The following RINT1 variants were observed in gnomAD, a reference collection of about 807,000 sequenced individuals.
RINT1 encodes the protein RAD50 interactor 1.
In RINT1, 75 loss-of-function variants were observed where a neutral mutation model predicts 97.7. That is an observed-to-expected ratio of 0.77 (90% CI 0.64 to 0.93). The LOEUF is 0.93. Ranked by LOEUF, RINT1 falls within the 40% of genes least tolerant of loss-of-function variation. The pLI, the probability that RINT1 is intolerant of heterozygous loss-of-function variation, is 0.00. For synonymous variants in RINT1, 303 were observed against 326.3 expected (o/e 0.93, Z 0.77); for missense variants, 892 against 925.2 (o/e 0.96, Z 0.47).
chr7:105,539,574 G>C (rs965348089), intron 3 of RINT1, among the ~76,000 whole-genome samples: 1 of 151,948 alleles, frequency 6.6e-6, no homozygotes, highest in Non-Finnish European at 1.5e-5. Flanking sequence ...TGGTCAGGTT[G>C]GTCTCAAACT....
At chr7:105,563,649 T>C in intron 11 of RINT1, 84 bp from the exon 12 acceptor site, 1 of 1,161,298 alleles carries the variant, frequency 8.6e-7, no homozygotes, top group Non-Finnish European at 1.3e-6. Context: ...ACACTTTAAA[T>C]GGGTGAATTG....
rs571877776 is a variant in RINT1 at position 105,567,467 on chromosome 7, C to T, written c.*156C>T. 1.4e-6 allele frequency: 1 copy of T among 715,856 alleles called. No individual in the cohort carries two copies. Among genetic ancestry groups the T allele is most frequent in the East Asian group, 2.7e-5 (1 of 37,300 alleles). The allele number at this position is 715,856 out of a possible 1,614,324, so 44.3% of individuals were successfully genotyped here. A position where few individuals can be genotyped will look rare whatever the true frequency, so the allele number is the denominator to read the frequency against. On this transcript the variant is annotated 3_prime_UTR_variant, in exon 15 of 15. Transcript: ENST00000257700. ...TTTATGGTGTTATTAAAATGCTGAC[C>T]ATATTTCCTTCATCCTCTTGTTCCT...
In RINT1 at chr7:105,567,484, C is replaced by G. The variant is rs1344746705; in HGVS notation, c.*173C>G. The G allele has an allele frequency of 4.2e-5, 30 of 706,036 alleles. No individual in the cohort carries two copies. The highest frequency in any genetic ancestry group is 6.9e-5 in the Non-Finnish European group (27 of 392,398). The allele number at this position is 706,036 out of a possible 1,614,324, so 43.7% of individuals were successfully genotyped here. On this transcript the variant is annotated 3_prime_UTR_variant, in exon 15 of 15. Transcript: ENST00000257700. ...ATGCTGACCATATTTCCTTCATCCTCTTGTTCCTAAGGAAACAAAAACAGA... is the reference window on the plus strand; with the variant it reads ...ATGCTGACCATATTTCCTTCATCCTGTTGTTCCTAAGGAAACAAAAACAGA...
rs1373493567 is a variant in RINT1 at position 105,551,709 on chromosome 7, T to A, written c.1471+2T>A. ...TGACTCTACTCTTGGTTATAACTGG[T>A]AAGTATGTCTTTTAAGATATGACTT... On this transcript the variant is annotated splice_donor_variant, in intron 10 of 14. Transcript: ENST00000257700. LOFTEE classifies it high-confidence loss of function. 10 of 1,588,126 alleles carry A rather than the reference T, an allele frequency of 6.3e-6. No homozygotes were observed. The highest frequency in any genetic ancestry group is 8.5e-6 in the Non-Finnish European group (10 of 1,169,678).
chr7:105,564,422 G>A (rs1003945029), intron 12 of RINT1, among the ~76,000 whole-genome samples: 1 of 152,100 alleles, frequency 6.6e-6, no homozygotes, highest in African/African-American at 2.4e-5. Flanking sequence ...TTATAATTTA[G>A]TTGTTTGTAA....
At position 105,547,232 on chromosome 7, in the gene RINT1, C is replaced by T. The variant is rs555764782; in HGVS notation, c.738C>T (p.Pro246=). The change falls in exon 6 of 15, where the codon CCC becomes CCT. Residue 246 remains proline (P), a synonymous_variant. Transcript: ENST00000257700. ...LAQLHWPFIA[P]PQSQTVGLSR... Reference sequence around the variant, plus strand: ...AGCTTCATTGGCCATTCATCGCACCCCCTCAATCACAAACTGTTGGCTTAA... The same window carrying T: ...AGCTTCATTGGCCATTCATCGCACCTCCTCAATCACAAACTGTTGGCTTAA... 3 of 1,614,138 alleles carry T rather than the reference C, an allele frequency of 1.9e-6. No individual in the cohort carries two copies. Among genetic ancestry groups the T allele is most frequent in the African/African-American group, 2.7e-5 (2 of 75,016 alleles).
At chr7:105,554,993 A>G in intron 10 of RINT1, 35 bp from the exon 11 acceptor site, 1 of 1,569,300 alleles carries the variant, frequency 6.4e-7, no homozygotes, top group South Asian at 1.1e-5. Flanking sequence ...AGATGGTACC[A>G]AAACCTTCAT....
rs1434680233 is a variant in RINT1 at position 105,547,001 on chromosome 7, G to GA, written c.609dup (p.Ser204IlefsTer15). ...GGCAGAACTTGACATTAAACTTCAG[G>GA]AATCATCTTGTACTCATCTTCTTGG... On this transcript the variant is annotated frameshift_variant, in exon 5 of 15. Coordinates refer to ENST00000257700, the MANE Select transcript of RINT1 (RefSeq NM_021930.6). LOFTEE classifies it high-confidence loss of function. 6.2e-7 allele frequency: 1 copy of GA among 1,613,770 alleles called. No homozygotes were observed. The highest frequency in any genetic ancestry group is 8.5e-7 in the Non-Finnish European group (1 of 1,179,842).
intron 4 of RINT1, among the ~76,000 whole-genome samples, chr7:105,546,517 T>C (rs933963331): frequency 6.6e-6 from 1 of 152,162 alleles, no homozygotes. Flanking sequence ...TGTAACTTTA[T>C]ATAAAACATG....
chr7:105,537,235 A>C (rs896171056), intron 3 of RINT1, among the ~76,000 whole-genome samples: 1 of 151,396 alleles, frequency 6.6e-6, no homozygotes, highest in Admixed American at 6.6e-5. Context: ...GGTTCAAGCA[A>C]TTCTCCTGCC....
At chr7:105,535,433 T>A in intron 2 of RINT1, 1 of 362,172 alleles carries the variant, frequency 2.8e-6, no homozygotes, top group Non-Finnish European at 5.4e-6. Context: ...TTTCACCATA[T>A]TGGCCAGGCT....
chr7:105,542,275 C>G, intron 3 of RINT1, 133 bp from the exon 4 acceptor site: 1 of 656,848 alleles, frequency 1.5e-6, no homozygotes, highest in Non-Finnish European at 2.6e-6. Context: ...GTCCAGGCTG[C>G]AGTGAGCTAT....
At chr7:105,549,984 A>G in intron 7 of RINT1, 71 bp from the exon 8 acceptor site, 1 of 981,430 alleles carries the variant, frequency 1.0e-6, no homozygotes, top group Non-Finnish European at 1.6e-6. Flanking sequence ...ATACAATTAA[A>G]TAGAACCATG....
intron 10 of RINT1, among the ~76,000 whole-genome samples, chr7:105,553,709 G>A (rs1791038653): frequency 6.7e-6 from 1 of 148,830 alleles, no homozygotes; most frequent in Admixed American, 6.7e-5. Flanking sequence ...CACCATGCCT[G>A]CCTGTAAATT....
chr7:105,565,139 A>C (rs1791642176), intron 12 of RINT1, 138 bp from the exon 13 acceptor site: 1 of 583,396 alleles, frequency 1.7e-6, no homozygotes, highest in Non-Finnish European at 2.9e-6. Flanking sequence ...TTTCTGATAG[A>C]GCTTTTAATG....
chr7:105,562,340 T>C (rs1448623802), intron 11 of RINT1, among the ~76,000 whole-genome samples: 2 of 152,288 alleles, frequency 1.3e-5, no homozygotes, highest in African/African-American at 2.4e-5. Flanking sequence ...AACCTCTGCC[T>C]CCTGGGCTCC....
chr7:105,563,705 TA>T, intron 11 of RINT1, 27 bp from the exon 12 acceptor site: 1 of 1,551,372 alleles, frequency 6.4e-7, no homozygotes, highest in Non-Finnish European at 8.9e-7. Flanking sequence ...AAAAGTATGC[TA>T]ATGTGTTAAC....
At chr7:105,558,000 A>G (rs1791258590) in intron 11 of RINT1, among the ~76,000 whole-genome samples, 1 of 152,192 alleles carries the variant, frequency 6.6e-6, no homozygotes, top group Non-Finnish European at 1.5e-5. Context: ...GATAGAGGGT[A>G]ATGATCAGTT....
chr7:105,540,025 T>G (rs1329295685), intron 3 of RINT1, among the ~76,000 whole-genome samples: 1 of 152,194 alleles, frequency 6.6e-6, no homozygotes, highest in Non-Finnish European at 1.5e-5. Context: ...GACTAATATT[T>G]GTATATGTTT....
Sources: gnomAD v4.1 joint callset for allele counts (sites outside exome capture counted in the v4.1 genomes callset) on GRCh38, gnomAD v4.1.1 for gene constraint, MANE v1.5 for transcripts, NCBI Gene and HGNC (gene_info 2026-07-23, HGNC 2026-07-21) for gene names.